The following STMN1 variants were observed in gnomAD, a reference collection of about 807,000 sequenced individuals.
The protein encoded by STMN1 is stathmin.
Under a neutral mutation model 19.7 loss-of-function variants are expected in STMN1, and 3 were observed. That is an observed-to-expected ratio of 0.15 (90% CI 0.07 to 0.39). The LOEUF is 0.39. Among genes scored for constraint, STMN1 ranks in the 10% least tolerant of loss-of-function variants. STMN1 has a pLI of 1.00. For synonymous variants in STMN1, 59 were observed against 58.9 expected, an observed-to-expected ratio of 1.00 and a Z score of -0.01; for missense variants, 99 against 176.0, an observed-to-expected ratio of 0.56 and a Z score of 2.48.
In STMN1 at chr1:25,901,694, A is replaced by T. The variant is rs777818934; in HGVS notation, c.187-12T>A. The T allele has an allele frequency of 1.2e-6, 2 of 1,603,040 alleles. No individual in the cohort carries two copies. Among genetic ancestry groups the T allele is most frequent in the Non-Finnish European group, 1.7e-6 (2 of 1,176,262 alleles). On this transcript the variant is annotated splice_polypyrimidine_tract_variant and intron_variant, in intron 3 of 4. Transcript: ENST00000455785. ...TCAGCTTCATGGGACTGGAAAAAAAAGTTTAATAGGCTAGGCACTCTAAAA... is the reference window on the plus strand; with the variant it reads ...TCAGCTTCATGGGACTGGAAAAAAATGTTTAATAGGCTAGGCACTCTAAAA...
In STMN1 at chr1:25,900,619, GAT is replaced by G; in HGVS notation, c.*395_*396del. On this transcript the variant is annotated 3_prime_UTR_variant, in exon 5 of 5. Transcript: ENST00000455785. ...ATTCAAGTCCAGTAGCATCTGGTAA[GAT>G]TGGGACAGAATTGGGATTGAAAAGT... The G allele has an allele frequency of 1.0e-6, 1 of 993,546 alleles. No individual in the cohort carries two copies. The highest frequency in any genetic ancestry group is 1.7e-5 in the African/African-American group (1 of 57,536). The allele number at this position is 993,546 out of a possible 1,614,324, so 61.5% of individuals were successfully genotyped here.
At chr1:25,904,381 T>A (rs1355173221) in intron 2 of STMN1, among the ~76,000 whole-genome samples, 1 of 152,212 alleles carries the variant, frequency 6.6e-6, no homozygotes, top group Admixed American at 6.5e-5. Flanking sequence ...TTTGGATTAA[T>A]AAATACTGTT....
Position 25,904,684 on chromosome 1 carries a change from A to G in STMN1, c.-8T>C. On this transcript the variant is annotated 5_prime_UTR_variant, in exon 2 of 5. Transcript: ENST00000455785. ...CCTACCAGAAGAAGCCATGGTGAAT[A>G]GAAGACAAGCGACAGGCAGTGTATT... is the stretch of plus-strand genomic sequence containing the variant. 6.2e-7 allele frequency: 1 copy of G among 1,613,980 alleles called. No homozygotes were observed. Among genetic ancestry groups the G allele is most frequent in the Non-Finnish European group, 8.5e-7 (1 of 1,179,936 alleles).
chr1:25,902,116 C>G (rs2048882580), intron 3 of STMN1: 1 of 140,332 alleles, frequency 7.1e-6, no homozygotes, highest in Admixed American at 6.8e-5. Flanking sequence ...AAAATTAGGA[C>G]CTGAATTATC....
intron 4 of STMN1, chr1:25,888,989 C>T (rs1368099400): frequency 2.1e-6 from 1 of 480,710 alleles, no homozygotes; most frequent in East Asian, 6.1e-5. Context: ...CACAAGACTT[C>T]CTGGTCAAGA....
chr1:25,901,401 C>A, intron 4 of STMN1, 90 bp downstream of exon 4: 1 of 1,444,716 alleles, frequency 6.9e-7, no homozygotes, highest in Non-Finnish European at 9.3e-7. Flanking sequence ...AAAAAGACAC[C>A]AAACACCTTT....
At chr1:25,903,439 G>GTAT in intron 3 of STMN1, 1 of 628,000 alleles carries the variant, frequency 1.6e-6, no homozygotes. Flanking sequence ...GCAACACCAT[G>GTAT]TATTAAAGGA....
chr1:25,888,352 A>G (rs371983123), intron 4 of STMN1, among the ~76,000 whole-genome samples: 5 of 152,216 alleles, frequency 3.3e-5, no homozygotes, highest in African/African-American at 9.7e-5. Context: ...GCAATTGCCC[A>G]TAAGTCAGGC....
In STMN1 at chr1:25,890,524, A is replaced by G. The variant is rs192460250; in HGVS notation, c.379-4655T>C. Among the ~76,000 whole-genome samples the G allele has an allele frequency of 6.4e-3, 970 of 152,344 alleles. 5 individuals are homozygous for G. Among genetic ancestry groups the G allele is most frequent in the Middle Eastern group, 0.024 (7 of 294 alleles). ...GAAACTGACCTTTGATTATCTGCAC[A>G]TGAAGTTCCCTGAAAGGGGAAGAAT... On this transcript the variant is annotated intron_variant, in intron 4 of 4. Coordinates refer to the STMN1 transcript ENST00000426559.
At chr1:25,892,554 C>T (rs542422996) in intron 4 of STMN1, 8 of 983,470 alleles carry the variant, frequency 8.1e-6, no homozygotes, top group East Asian at 2.3e-4. Context: ...GATGCCACCA[C>T]GGCTGAGCCG....
chr1:25,899,972 G>A (rs768578127), downstream of STMN1: 94 of 529,008 alleles, frequency 1.8e-4, no homozygotes, highest in Middle Eastern at 9.6e-4. Context: ...TGCCAAAGGC[G>A]TTCCCTGAAT....
At chr1:25,885,722 C>T in exon 5 of STMN1, 1 of 1,549,906 alleles carries the variant, frequency 6.5e-7, no homozygotes, top group South Asian at 1.2e-5. Context: ...TTATTAAGTA[C>T]CTAGTGATGG....
chr1:25,903,635 G>A lies in STMN1; in HGVS notation c.186+6C>T, dbSNP rs371835377. Reference sequence around the variant, plus strand: ...TATCCTGCTTTCTGTGAATTGCTTCGTTTACCTTGCGTCTTTCTTCTGCAG... The same window carrying A: ...TATCCTGCTTTCTGTGAATTGCTTCATTTACCTTGCGTCTTTCTTCTGCAG... On this transcript the variant is annotated splice_donor_region_variant and intron_variant, in intron 3 of 4. Coordinates refer to ENST00000455785, the MANE Select transcript of STMN1 (RefSeq NM_005563.4). 91 of 1,610,846 alleles carry A rather than the reference G, an allele frequency of 5.6e-5. No homozygotes were observed. Among genetic ancestry groups the A allele is most frequent in the Non-Finnish European group, 7.2e-5 (85 of 1,179,614 alleles).
exon 5 of STMN1, chr1:25,885,806 G>A (rs1478187258): frequency 1.3e-6 from 2 of 1,551,772 alleles, no homozygotes; most frequent in South Asian, 1.2e-5. Flanking sequence ...ACAGAGTGGA[G>A]ACAAGATTGC....
intron 1 of STMN1, chr1:25,905,953 G>A (rs887994317): frequency 2.0e-5 from 3 of 152,274 alleles, no homozygotes; most frequent in African/African-American, 7.2e-5. Flanking sequence ...GGTCGCCAGG[G>A]GACGGTCGCA....
At chr1:25,892,245 G>A (rs1031646369) in intron 4 of STMN1, among the ~76,000 whole-genome samples, 4 of 152,144 alleles carry the variant, frequency 2.6e-5, no homozygotes, top group African/African-American at 4.8e-5. Context: ...AAAATTAGCT[G>A]GGCATGGTGG....
In STMN1 at chr1:25,900,522, C is replaced by G; in HGVS notation, c.*494G>C. 1 of 985,952 alleles carries G rather than the reference C, an allele frequency of 1.0e-6. No homozygotes were observed. The highest frequency in any genetic ancestry group is 4.7e-5 in the South Asian group (1 of 21,284). The allele number at this position is 985,952 out of a possible 1,614,324, so 61.1% of individuals were successfully genotyped here. A position where few individuals can be genotyped will look rare whatever the true frequency, so the allele number is the denominator to read the frequency against. ...GAACAAGTATCAACCAGGAGGGGCT[C>G]TATGGCTTGATTTATTAACCTAACT... is the stretch of plus-strand genomic sequence containing the variant. On this transcript the variant is annotated 3_prime_UTR_variant, in exon 5 of 5. Transcript: ENST00000455785.
At chr1:25,894,217 G>A (rs542183864) in intron 4 of STMN1, among the ~76,000 whole-genome samples, 3 of 152,192 alleles carry the variant, frequency 2.0e-5, no homozygotes, top group Non-Finnish European at 4.4e-5. Context: ...TCCTCAGTGG[G>A]ATCTCCTGTG....
At position 25,906,409 on chromosome 1, in the gene STMN1, G is replaced by A. The variant is rs1360528310; in HGVS notation, c.-83C>T. 1 of 154,390 alleles carries A rather than the reference G, an allele frequency of 6.5e-6. No individual in the cohort carries two copies. The highest frequency in any genetic ancestry group is 1.5e-5 in the Non-Finnish European group (1 of 68,238). The allele number at this position is 154,390 out of a possible 1,614,324, so 9.6% of individuals were successfully genotyped here. On this transcript the variant is annotated 5_prime_UTR_variant, in exon 1 of 5. Coordinates refer to ENST00000455785, the MANE Select transcript of STMN1 (RefSeq NM_005563.4). This position sits in a 1 kb window ranked among gnomAD's most constrained non-coding sequence, Gnocchi z 4.5. ...CCCACCTGCTCAGTCCGAGCCGCCT[G>A]ACCACACTCTGAGCACCAACAGACC... is the stretch of plus-strand genomic sequence containing the variant.
Sources: gnomAD v4.1 joint callset for allele counts (sites outside exome capture counted in the v4.1 genomes callset) on GRCh38, gnomAD v4.1.1 for gene constraint, Gnocchi (gnomAD v3.1) non-coding constraint, MANE v1.5 for transcripts, NCBI Gene and HGNC (gene_info 2026-07-23, HGNC 2026-07-21) for gene names.